The following DPP6 variants were observed in gnomAD, a reference collection of about 807,000 sequenced individuals.
DPP6 encodes the protein A-type potassium channel modulatory protein DPP6.
DPP6 carries 69 observed loss-of-function variants against 122.6 expected under a neutral mutation model. That is an observed-to-expected ratio of 0.56 (90% CI 0.46 to 0.69). DPP6 has a LOEUF of 0.69. DPP6 is among the 30% of genes least tolerant of loss of function. The probability of loss-of-function intolerance (pLI) is 0.00; values close to 1 mark genes in which losing one functional copy is unlikely to be tolerated. For synonymous variants in DPP6, 418 were observed against 433.1 expected (o/e 0.97, Z 0.43); for missense variants, 928 against 1,116.9 (o/e 0.83, Z 2.41).
At chr7:154,565,565 G>A (rs549799916) in intron 4 of DPP6, among the ~76,000 whole-genome samples, 5 of 151,946 alleles carry the variant, frequency 3.3e-5, no homozygotes, top group African/African-American at 7.2e-5. Context: ...CGCTCTTGTC[G>A]CCCAGGCTGG....
intron 1 of DPP6, among the ~76,000 whole-genome samples, chr7:154,327,600 T>G (rs1371561370): frequency 6.6e-6 from 1 of 152,166 alleles, no homozygotes; most frequent in Non-Finnish European, 1.5e-5. Context: ...AATAATAAAA[T>G]TTTGCTTAGG....
intron 18 of DPP6, among the ~76,000 whole-genome samples, chr7:154,871,918 G>A (rs1804432462): frequency 6.6e-6 from 1 of 152,230 alleles, no homozygotes; most frequent in Non-Finnish European, 1.5e-5. Flanking sequence ...AAATTGGTGA[G>A]GCAGGTTTTT....
intron 10 of DPP6, among the ~76,000 whole-genome samples, chr7:154,792,079 A>G (rs2150424240): frequency 6.6e-6 from 1 of 152,390 alleles, no homozygotes; most frequent in Non-Finnish European, 1.5e-5. Context: ...CATTCTTCCT[A>G]ATTAGCATGA....
intron 20 of DPP6, among the ~76,000 whole-genome samples, chr7:154,879,299 G>GGCCGGGC (rs1805148100): frequency 1.1e-5 from 1 of 92,578 alleles, no homozygotes; most frequent in Non-Finnish European, 1.9e-5. Context: ...CACAAAAATC[G>GGCCGGGC]GCCGGGCGCG....
Position 154,018,371 on chromosome 7 carries a change from A to G in DPP6, c.51+130637A>G, listed in dbSNP as rs1798532518. On this transcript the variant is annotated intron_variant, in intron 1 of 25. Transcript: ENST00000404039. ...AGCAGGAGAAAGGCACTGAAAGGGGATGAGAGTGGACACCGGAGACCATTT... is the reference window on the plus strand; with the variant it reads ...AGCAGGAGAAAGGCACTGAAAGGGGGTGAGAGTGGACACCGGAGACCATTT... Among the ~76,000 whole-genome samples, 3 of 152,168 alleles carry G rather than the reference A, an allele frequency of 2.0e-5. No individual in the cohort carries two copies. The South Asian group carries it at 6.2e-4, about 32-fold the overall frequency.
At chr7:154,334,779 C>T (rs949023957) in intron 1 of DPP6, among the ~76,000 whole-genome samples, 5 of 152,058 alleles carry the variant, frequency 3.3e-5, no homozygotes, top group African/African-American at 1.2e-4. Flanking sequence ...ACCTGTAGTC[C>T]CAGCTACTCA....
At chr7:153,818,739 T>A in the DPP6 span, among the ~76,000 whole-genome samples, 2 of 151,726 alleles carry the variant, frequency 1.3e-5, no homozygotes, top group African/African-American at 4.9e-5. Context: ...TAGATTGAAG[T>A]GGGCAAGATT....
chr7:154,544,804 C>T (rs1829030251), intron 4 of DPP6, among the ~76,000 whole-genome samples: 1 of 152,280 alleles, frequency 6.6e-6, no homozygotes, highest in East Asian at 1.9e-4. Context: ...TTAGGCTAGA[C>T]CAAAGAGCCT....
At chr7:154,108,364 CAT>C (rs1806319991) in intron 1 of DPP6, among the ~76,000 whole-genome samples, 1 of 152,182 alleles carries the variant, frequency 6.6e-6, no homozygotes. Flanking sequence ...AGGCAAATGT[CAT>C]GAATGGATAC....
At chr7:154,344,820 G>A (rs997758682) in intron 1 of DPP6, among the ~76,000 whole-genome samples, 8 of 152,082 alleles carry the variant, frequency 5.3e-5, no homozygotes, top group Non-Finnish European at 1.2e-4. Context: ...CCCAGGAGGC[G>A]GAGGTTGCAG....
intron 1 of DPP6, among the ~76,000 whole-genome samples, chr7:154,218,076 G>A (rs1008746932): frequency 1.3e-5 from 2 of 152,208 alleles, no homozygotes; most frequent in African/African-American, 2.4e-5. Flanking sequence ...GAAGCCCTTC[G>A]CATTTAAAAT....
At chr7:153,918,567 T>A (rs1459555943) in intron 1 of DPP6, among the ~76,000 whole-genome samples, 167 of 45,920 alleles carry the variant, frequency 3.6e-3, no homozygotes, top group South Asian at 4.4e-3. Flanking sequence ...ACACACACAG[T>A]CTCTCTCTCT....
intron 3 of DPP6, among the ~76,000 whole-genome samples, chr7:154,535,422 G>T (rs926488397): frequency 6.6e-6 from 1 of 151,240 alleles, no homozygotes; most frequent in African/African-American, 2.4e-5. Context: ...AAGTTCTGGG[G>T]TACATGTGCA....
chr7:153,868,470 T>C, the DPP6 span, among the ~76,000 whole-genome samples: 11 of 152,348 alleles, frequency 7.2e-5, no homozygotes, highest in South Asian at 2.3e-3. Flanking sequence ...TGATGGTAGT[T>C]TGTATTTCTG....
chr7:154,575,604 TGTGTGTATGTGTGTGTG>T (rs1831599560), intron 5 of DPP6, among the ~76,000 whole-genome samples: 3 of 115,204 alleles, frequency 2.6e-5, no homozygotes, highest in South Asian at 3.6e-4. Context: ...ATGTGTGTGG[TGTGTGTATGTGTGTGTG>T]GTGTGTGTGT....
At chr7:154,008,433 G>A (rs2533536) in intron 1 of DPP6, among the ~76,000 whole-genome samples, 1 of 152,260 alleles carries the variant, frequency 6.6e-6, no homozygotes, top group African/African-American at 2.4e-5. Flanking sequence ...AGGGACTAGC[G>A]ACATAGGTTT....
At chr7:154,637,769 C>T (rs6956791) in intron 5 of DPP6, 52 bp from the exon 6 acceptor site, 5 of 1,517,578 alleles carry the variant, frequency 3.3e-6, no homozygotes, top group South Asian at 1.3e-5. Context: ...AAAATATCAT[C>T]GTAACAGCCT....
At chr7:153,871,954 A>G in the DPP6 span, among the ~76,000 whole-genome samples, 4 of 152,220 alleles carry the variant, frequency 2.6e-5, no homozygotes, top group African/African-American at 9.6e-5. Flanking sequence ...TATGGACTGC[A>G]GGGTGACAAA....
rs947138970 is a variant in DPP6 at position 154,648,095 on chromosome 7, A to C, written c.680+10222A>C. 7.4e-3 allele frequency among the ~76,000 whole-genome samples: 4 copies of C among 542 alleles called. No individual in the cohort carries two copies. The Non-Finnish European group carries it at 0.14, about 19-fold the overall frequency. 0.4% of individuals were successfully genotyped at this position (542 alleles called of 152,430 possible). A position where few individuals can be genotyped will look rare whatever the true frequency, so the allele number is the denominator to read the frequency against. Reference sequence around the variant, plus strand: ...GTGAAACCCCGTCTCTATTAAAATTAAAAAAAAAAAAAAAATTAGCCGGGC... The same window carrying C: ...GTGAAACCCCGTCTCTATTAAAATTCAAAAAAAAAAAAAAATTAGCCGGGC... On this transcript the variant is annotated intron_variant, in intron 6 of 25. Coordinates refer to ENST00000377770, the MANE Select transcript of DPP6 (RefSeq NM_130797.4).
Sources: allele counts gnomAD v4.1 joint callset (sites outside exome capture counted in the v4.1 genomes callset), GRCh38; gene constraint gnomAD v4.1.1; transcripts MANE v1.5; gene names NCBI Gene and HGNC (gene_info 2026-07-23, HGNC 2026-07-21).